IL1RL2: variants seen among roughly 807,000 people sequenced by gnomAD.
The protein encoded by IL1RL2 is interleukin 1 receptor like 2.
IL1RL2 carries 68 observed loss-of-function variants against 66.8 expected under a neutral mutation model. The ratio of observed to expected loss-of-function variants is 1.02; its 90% CI spans 0.84 to 1.25. The LOEUF (loss-of-function observed/expected upper bound fraction) is 1.25. IL1RL2 is among the 50% of genes most tolerant of loss of function. The probability of loss-of-function intolerance (pLI) is 0.00; values close to 1 mark genes in which losing one functional copy is unlikely to be tolerated. For missense variants in IL1RL2, 729 were observed against 709.3 expected, an observed-to-expected ratio of 1.03 and a Z score of -0.32; for synonymous variants, 305 against 264.6, an observed-to-expected ratio of 1.15 and a Z score of -1.48.
At chr2:102,190,616 G>T (rs1479412516) in intron 3 of IL1RL2, among the ~76,000 whole-genome samples, 1 of 152,216 alleles carries the variant, frequency 6.6e-6, no homozygotes, top group Non-Finnish European at 1.5e-5. Flanking sequence ...TTCACAAGTG[G>T]AAGTGGTCGT....
chr2:102,239,229 C>CA lies in IL1RL2; in HGVS notation c.1717dup (p.Thr573AsnfsTer16). ...GCTCAAGAAGAAAGAAGTGTACTCT[C>CA]ACGACTGGCTAAGACTTGCTGGACT... On this transcript the variant is annotated frameshift_variant, in exon 12 of 12. Coordinates refer to ENST00000264257, the MANE Select transcript of IL1RL2 (RefSeq NM_003854.4). LOFTEE classifies it high-confidence loss of function. 6.2e-7 allele frequency: 1 copy of CA among 1,614,018 alleles called. No homozygotes were observed. The highest frequency in any genetic ancestry group is 8.5e-7 in the Non-Finnish European group (1 of 1,179,894).
Position 102,235,232 on chromosome 2 carries a change from C to T in IL1RL2, c.1633C>T (p.Pro545Ser), listed in dbSNP as rs1674770896. ...GCCGCCCAGAAGGTGTCGGCCGTTT[C>T]CTCCGGTCCAGCTGCTGCAGCACAC... ...HMPPRRCRPFPPVQLLQHTPC... is the reference protein window; with the variant it reads ...HMPPRRCRPFSPVQLLQHTPC... Residue 545 changes from proline to serine, a missense_variant, in exon 11 of 12, where the codon CCT (proline) becomes TCT (serine). Pro to Ser is a moderately conservative substitution (Grantham distance 74, BLOSUM62 -1). Transcript: ENST00000264257. 5.6e-6 allele frequency: 9 copies of T among 1,614,116 alleles called. No individual in the cohort carries two copies. Among genetic ancestry groups the T allele is most frequent in the Non-Finnish European group, 7.6e-6 (9 of 1,180,040 alleles).
chr2:102,231,252 C>G (rs947400442), intron 9 of IL1RL2, among the ~76,000 whole-genome samples: 2 of 152,172 alleles, frequency 1.3e-5, no homozygotes, highest in African/African-American at 4.8e-5. Flanking sequence ...ACTCTTAGAC[C>G]CTCACTTTTT....
chr2:102,196,198 A>T (rs1303077466), intron 4 of IL1RL2, among the ~76,000 whole-genome samples: 1 of 152,150 alleles, frequency 6.6e-6, no homozygotes, highest in Non-Finnish European at 1.5e-5. Flanking sequence ...TGGATCTTTT[A>T]AAAATTCTGA....
intron 5 of IL1RL2, among the ~76,000 whole-genome samples, chr2:102,209,838 C>T (rs1351298497): frequency 1.3e-5 from 2 of 151,986 alleles, no homozygotes; most frequent in Non-Finnish European, 2.9e-5. Context: ...TGGGAAGAGG[C>T]CATGGGGGAG....
chr2:102,209,289 T>C (rs1284518630), intron 5 of IL1RL2, among the ~76,000 whole-genome samples: 1 of 152,234 alleles, frequency 6.6e-6, no homozygotes, highest in Non-Finnish European at 1.5e-5. Context: ...ATGGATCATT[T>C]TAACATTATG....
chr2:102,233,220 T>C (rs1691301094), intron 10 of IL1RL2, 96 bp downstream of exon 10: 5 of 1,204,958 alleles, frequency 4.1e-6, no homozygotes, highest in East Asian at 2.5e-5. Flanking sequence ...CTGCCTGCCT[T>C]CCCCATGGAA....
chr2:102,187,080 C>A lies in IL1RL2; in HGVS notation c.-19C>A. 4 of 1,289,864 alleles carry A rather than the reference C, an allele frequency of 3.1e-6. No individual in the cohort carries two copies. The highest frequency in any genetic ancestry group is 4.0e-6 in the Non-Finnish European group (4 of 988,842). 79.9% of individuals were successfully genotyped at this position (1,289,864 alleles called of 1,614,324 possible). On this transcript the variant is annotated 5_prime_UTR_variant, in exon 1 of 12. Coordinates refer to ENST00000264257, the MANE Select transcript of IL1RL2 (RefSeq NM_003854.4). Reference sequence around the variant, plus strand: ...CGAGGTCCTGCGCGCTTCAATCCTGCAGGCAGGTAGACACCGGGCCGGGAG... The same window carrying A: ...CGAGGTCCTGCGCGCTTCAATCCTGAAGGCAGGTAGACACCGGGCCGGGAG...
At chr2:102,241,004 C>T (rs1309329368), downstream of IL1RL2, among the ~76,000 whole-genome samples, 3 of 152,382 alleles carry the variant, frequency 2.0e-5, no homozygotes, top group Middle Eastern at 3.4e-3. Flanking sequence ...CCATTGCGCC[C>T]TCTAGTGGCT....
chr2:102,208,715 C>G (rs1351732339), intron 5 of IL1RL2, among the ~76,000 whole-genome samples: 1 of 152,222 alleles, frequency 6.6e-6, no homozygotes, highest in Non-Finnish European at 1.5e-5. Context: ...TCTGTACAGT[C>G]CAGTGACTCC....
intron 11 of IL1RL2, chr2:102,235,996 A>G: frequency 2.1e-6 from 2 of 955,554 alleles, no homozygotes; most frequent in Non-Finnish European, 2.5e-6. Flanking sequence ...ACACATGTCA[A>G]CCAGAATTCT....
intron 5 of IL1RL2, among the ~76,000 whole-genome samples, chr2:102,202,490 A>G (rs1688349676): frequency 6.6e-6 from 1 of 151,638 alleles, no homozygotes; most frequent in Non-Finnish European, 1.5e-5. Flanking sequence ...ATATTTTTTC[A>G]TTTTTTGGTG....
At chr2:102,198,035 T>C (rs940398361) in intron 4 of IL1RL2, among the ~76,000 whole-genome samples, 1 of 152,224 alleles carries the variant, frequency 6.6e-6, no homozygotes, top group Non-Finnish European at 1.5e-5. Context: ...GCATAAAATA[T>C]AGAATGATTT....
At chr2:102,193,620 A>G (rs1558649) in intron 4 of IL1RL2, among the ~76,000 whole-genome samples, 147,965 of 152,340 alleles carry the variant, frequency 0.97, 71,887 homozygotes, top group East Asian at 1. Context: ...CCAAAGTGGT[A>G]GGATTACAGG....
At chr2:102,192,865 C>T (rs903969041) in intron 4 of IL1RL2, among the ~76,000 whole-genome samples, 17 of 152,110 alleles carry the variant, frequency 1.1e-4, no homozygotes, top group African/African-American at 3.6e-4. Context: ...GAAAGAATTA[C>T]GCAAATTTCT....
At chr2:102,198,520 G>A (rs149695085) in intron 4 of IL1RL2, among the ~76,000 whole-genome samples, 8 of 152,208 alleles carry the variant, frequency 5.3e-5, no homozygotes, top group African/African-American at 1.9e-4. Flanking sequence ...AAGTTACTTC[G>A]CGCTCTTCAG....
chr2:102,220,033 G>C lies in IL1RL2; in HGVS notation c.991+16G>C. The C allele has an allele frequency of 6.2e-7, 1 of 1,601,778 alleles. No homozygotes were observed. Among genetic ancestry groups the C allele is most frequent in the Non-Finnish European group, 8.5e-7 (1 of 1,170,342 alleles). On this transcript the variant is annotated intron_variant, in intron 8 of 11. Coordinates refer to ENST00000264257, the MANE Select transcript of IL1RL2 (RefSeq NM_003854.4). ...CAGCTCCCAGGTAATACTCCAGTGGGTTACACACTGTTCAGAGTGTTCAAA... is the reference window on the plus strand; with the variant it reads ...CAGCTCCCAGGTAATACTCCAGTGGCTTACACACTGTTCAGAGTGTTCAAA...
chr2:102,219,195 G>A, intron 7 of IL1RL2, 113 bp downstream of exon 7: 1 of 1,148,090 alleles, frequency 8.7e-7, no homozygotes, highest in Non-Finnish European at 1.3e-6. Flanking sequence ...AATGATTCAT[G>A]TTATCAATCC....
At chr2:102,239,153 A>G (rs1201268140) in intron 11 of IL1RL2, 39 bp from the exon 12 acceptor site, 1 of 1,600,762 alleles carries the variant, frequency 6.2e-7, no homozygotes, top group South Asian at 1.1e-5. Flanking sequence ...ATCTCCCACC[A>G]CATCAGAAAA....
Sources: allele counts gnomAD v4.1 joint callset (sites outside exome capture counted in the v4.1 genomes callset), GRCh38; gene constraint gnomAD v4.1.1; transcripts MANE v1.5; gene names NCBI Gene and HGNC (gene_info 2026-07-23, HGNC 2026-07-21).